Variants in EVI5L observed in about 807,000 individuals in gnomAD.
EVI5L encodes the protein EVI5-like protein.
Under a neutral mutation model 106.1 loss-of-function variants are expected in EVI5L, and 30 were observed. The observed-to-expected ratio is 0.28, with a 90% confidence interval of 0.21 to 0.38. The LOEUF is 0.38. EVI5L is among the 10% of genes least tolerant of loss of function. The probability of loss-of-function intolerance (pLI) is 1.00; values close to 1 mark genes in which losing one functional copy is unlikely to be tolerated. For synonymous variants in EVI5L, 489 were observed against 483.3 expected, an observed-to-expected ratio of 1.01 and a Z score of -0.15; for missense variants, 809 against 1,098.0, an observed-to-expected ratio of 0.74 and a Z score of 3.72.
intron 1 of EVI5L, among the ~76,000 whole-genome samples, chr19:7,836,694 A>C (rs1343537288): frequency 1.3e-5 from 2 of 151,548 alleles, no homozygotes; most frequent in Non-Finnish European, 2.9e-5. Flanking sequence ...GCTGGAGTGC[A>C]GTGGCGTAAT....
Position 7,862,485 on chromosome 19 carries a change from A to G in EVI5L, c.1898A>G (p.Gln633Arg). 3 of 1,589,022 alleles carry G rather than the reference A, an allele frequency of 1.9e-6. No individual in the cohort carries two copies. The highest frequency in any genetic ancestry group is 2.6e-6 in the Non-Finnish European group (3 of 1,168,854). Residue 633 changes from glutamine to arginine, a missense_variant, in exon 17 of 20, where the codon CAG becomes CGG. Transcript: ENST00000538904. ...QYLAAQNKGLQTQLSESRRKQ... is the reference protein window; with the variant it reads ...QYLAAQNKGLRTQLSESRRKQ... Reference sequence around the variant, plus strand: ...CTGGCTGCACAGAACAAGGGGCTGCAGACGCAGCTCAGCGAAAGCCGCCGC... The same window carrying G: ...CTGGCTGCACAGAACAAGGGGCTGCGGACGCAGCTCAGCGAAAGCCGCCGC...
intron 10 of EVI5L, 25 bp downstream of exon 10, chr19:7,853,358 G>C (rs766478296): frequency 6.3e-7 from 1 of 1,598,894 alleles, no homozygotes; most frequent in Admixed American, 1.8e-5. Flanking sequence ...CCAGGGGCGG[G>C]GACAGGGATG....
rs551472518 is a variant in EVI5L at position 7,838,043 on chromosome 19, AGAATGTCCTCTAATACT to A, written c.-48+7665_-48+7681del. Among the ~76,000 whole-genome samples the A allele has an allele frequency of 7.7e-4, 116 of 150,616 alleles. 2 individuals are homozygous for A. The South Asian group carries it at 0.023, about 30-fold the overall frequency. ...GAGGAAGGTGGAGTAGGTGTTGTGTAGAATGTCCTCTAATACTGATCTGTCTGGTGTGTTTATTTTTT... is the reference window on the plus strand; with the variant it reads ...GAGGAAGGTGGAGTAGGTGTTGTGTAGATCTGTCTGGTGTGTTTATTTTTT... On this transcript the variant is annotated intron_variant, in intron 1 of 19. Coordinates refer to ENST00000538904, the MANE Select transcript of EVI5L (RefSeq NM_001159944.3).
At chr19:7,849,900 T>G (rs574129042) in intron 5 of EVI5L, 97 bp from the exon 6 acceptor site, 1 of 969,440 alleles carries the variant, frequency 1.0e-6, no homozygotes, top group African/African-American at 1.6e-5. Flanking sequence ...GGTACCGACA[T>G]GGACATGGGC....
intron 1 of EVI5L, among the ~76,000 whole-genome samples, chr19:7,844,593 G>A (rs1048002325): frequency 4.6e-5 from 7 of 152,174 alleles, no homozygotes; most frequent in Non-Finnish European, 8.8e-5. Context: ...GTCTCTGTCC[G>A]GGCAGACTTT....
chr19:7,864,009 G>A lies in EVI5L; in HGVS notation c.*307G>A. ...TCTCTTAACAGGAGGGCAGAGGGCA[G>A]GGGACAGACGACCCAGAGGTCCCAG... is the stretch of plus-strand genomic sequence containing the variant. On this transcript the variant is annotated 3_prime_UTR_variant, in exon 20 of 20. Transcript: ENST00000538904. This position sits in a 1 kb window ranked among gnomAD's most constrained non-coding sequence, Gnocchi z 4.5. 2.8e-6 allele frequency: 1 copy of A among 362,852 alleles called. No individual in the cohort carries two copies. Among genetic ancestry groups the A allele is most frequent in the Non-Finnish European group, 5.0e-6 (1 of 201,894 alleles). The allele number at this position is 362,852 out of a possible 1,614,324, so 22.5% of individuals were successfully genotyped here.
Position 7,856,940 on chromosome 19 carries a change from T to C in EVI5L, c.1201-152T>C, listed in dbSNP as rs1420699242. Reference sequence around the variant, plus strand: ...GGTCTTCCTCCGGGTCCTCTCCTGCTGGTTCTCTGGTCTTCCCTCCTCTCT... The same window carrying C: ...GGTCTTCCTCCGGGTCCTCTCCTGCCGGTTCTCTGGTCTTCCCTCCTCTCT... On this transcript the variant is annotated intron_variant, in intron 11 of 19. Transcript: ENST00000538904. This position sits in a 1 kb window ranked among gnomAD's most constrained non-coding sequence, Gnocchi z 6.6. The C allele has an allele frequency of 4.9e-6, 4 of 809,202 alleles. No individual in the cohort carries two copies. Among genetic ancestry groups the C allele is most frequent in the Non-Finnish European group, 6.3e-6 (3 of 479,158 alleles). 50.1% of individuals were successfully genotyped at this position (809,202 alleles called of 1,614,324 possible).
intron 14 of EVI5L, 151 bp downstream of exon 14, chr19:7,860,840 C>T (rs1013083353): frequency 8.4e-6 from 8 of 951,046 alleles, no homozygotes; most frequent in Admixed American, 3.3e-5. Flanking sequence ...CAACCCCACG[C>T]GGGGCATGCC....
Position 7,863,806 on chromosome 19 carries a change from C to T in EVI5L, c.*104C>T. 3 of 1,388,550 alleles carry T rather than the reference C, an allele frequency of 2.2e-6. 1 individual carries two copies. The highest frequency in any genetic ancestry group is 3.1e-5 in the South Asian group (2 of 64,046). The allele number at this position is 1,388,550 out of a possible 1,614,324, so 86.0% of individuals were successfully genotyped here. A position where few individuals can be genotyped will look rare whatever the true frequency, so the allele number is the denominator to read the frequency against. On this transcript the variant is annotated 3_prime_UTR_variant, in exon 20 of 20. Transcript: ENST00000538904. The surrounding 1 kb of genome is among the most constrained non-coding windows in gnomAD (Gnocchi z 7.7). ...TGCCGCACTTGACAAACTACGCGCC[C>T]TCTGTGGCTCGGCCACCCCTAAAGC...
At position 7,858,047 on chromosome 19, in the gene EVI5L, A is replaced by G; in HGVS notation, c.1234-144A>G. ...CGTCCCCAGGCCCAGTGGGACGCTC[A>G]TCCCAGGCTCTGAGTACGGGAGGCC... On this transcript the variant is annotated intron_variant, in intron 12 of 19. Transcript: ENST00000538904. The surrounding 1 kb of genome is among the most constrained non-coding windows in gnomAD (Gnocchi z 5.7). The G allele has an allele frequency of 2.1e-6, 2 of 964,470 alleles. No homozygotes were observed. The highest frequency in any genetic ancestry group is 3.4e-5 in the South Asian group (2 of 58,626). The allele number at this position is 964,470 out of a possible 1,614,324, so 59.7% of individuals were successfully genotyped here.
chr19:7,851,321 C>A, intron 6 of EVI5L, 113 bp from the exon 7 acceptor site: 3 of 1,303,366 alleles, frequency 2.3e-6, no homozygotes, highest in Non-Finnish European at 3.1e-6. Context: ...GAGCCTCAGG[C>A]TGCCCAGCGC....
chr19:7,853,392 C>T (rs1264322156), intron 10 of EVI5L, 59 bp downstream of exon 10: 6 of 1,568,036 alleles, frequency 3.8e-6, no homozygotes, highest in East Asian at 4.6e-5. Flanking sequence ...GGCTGCCCTC[C>T]GTACTCTAAA....
chr19:7,840,632 C>G, intron 1 of EVI5L, among the ~76,000 whole-genome samples: 1 of 152,182 alleles, frequency 6.6e-6, no homozygotes, highest in East Asian at 1.9e-4. Context: ...TTCCTCCCTC[C>G]CCCTGGCCCC....
chr19:7,834,460 T>C (rs550515268), intron 1 of EVI5L, among the ~76,000 whole-genome samples: 16 of 152,320 alleles, frequency 1.1e-4, no homozygotes, highest in African/African-American at 3.8e-4. Flanking sequence ...TCAGAAAGGA[T>C]TCTGCAGGTC....
intron 1 of EVI5L, among the ~76,000 whole-genome samples, chr19:7,836,031 G>A (rs1485640584): frequency 6.6e-6 from 1 of 152,018 alleles, no homozygotes; most frequent in Non-Finnish European, 1.5e-5. Flanking sequence ...GAGGTTAGGA[G>A]TTCAAGACCA....
chr19:7,844,316 A>G (rs1313375558), intron 1 of EVI5L, among the ~76,000 whole-genome samples: 1 of 147,698 alleles, frequency 6.8e-6, no homozygotes, highest in Non-Finnish European at 1.5e-5. Context: ...TGGGCAACAG[A>G]GCGAGACTCC....
Position 7,850,764 on chromosome 19 carries a change from G to A in EVI5L, c.753+642G>A, listed in dbSNP as rs1979207280. Among the ~76,000 whole-genome samples the A allele has an allele frequency of 6.6e-6, 1 of 152,118 alleles. No individual in the cohort carries two copies. The highest frequency in any genetic ancestry group is 2.1e-4 in the South Asian group (1 of 4,826). On this transcript the variant is annotated intron_variant, in intron 6 of 19. Coordinates refer to ENST00000538904, the MANE Select transcript of EVI5L (RefSeq NM_001159944.3). The surrounding 1 kb of genome is among the most constrained non-coding windows in gnomAD (Gnocchi z 5.4). ...TGGTAGTGCCACAAGCAGGAGGCCT[G>A]GGCTGCAGAGAAGGCACCACCCCAC...
intron 10 of EVI5L, among the ~76,000 whole-genome samples, chr19:7,855,262 T>C (rs1979465703): frequency 6.6e-6 from 1 of 152,026 alleles, no homozygotes; most frequent in Non-Finnish European, 1.5e-5. Flanking sequence ...ATTACAGGCA[T>C]GCACCACCAC....
chr19:7,863,087 TCGGGGGGCGGGGG>T lies in EVI5L; in HGVS notation c.2043+27_2043+39del. On this transcript the variant is annotated intron_variant, in intron 18 of 19. Transcript: ENST00000538904. The surrounding 1 kb of genome is among the most constrained non-coding windows in gnomAD (Gnocchi z 7.7). ...ATCCAGGTGATCGGCGGGGCCGGGG[TCGGGGGGCGGGGG>T]CGGGGGCAGGGCCCGGGGCAGGAGC... 1 of 690,656 alleles carries T rather than the reference TCGGGGGGCGGGGG, an allele frequency of 1.4e-6. No individual in the cohort carries two copies. The highest frequency in any genetic ancestry group is 2.4e-6 in the Non-Finnish European group (1 of 420,162). The allele number at this position is 690,656 out of a possible 1,614,324, so 42.8% of individuals were successfully genotyped here. A position where few individuals can be genotyped will look rare whatever the true frequency, so the allele number is the denominator to read the frequency against.
Sources: allele counts gnomAD v4.1 joint callset (sites outside exome capture counted in the v4.1 genomes callset), GRCh38; gene constraint gnomAD v4.1.1; non-coding constraint Gnocchi (gnomAD v3.1); transcripts MANE v1.5; gene names NCBI Gene and HGNC (gene_info 2026-07-23, HGNC 2026-07-21).